The following PCDH11X variants were observed in gnomAD, a reference collection of about 807,000 sequenced individuals.
The protein encoded by PCDH11X is protocadherin-11 X-linked.
PCDH11X carries 18 observed loss-of-function variants against 53.3 expected under a neutral mutation model. That is an observed-to-expected ratio of 0.34 (90% confidence interval 0.23 to 0.50). The LOEUF is 0.50. Among genes scored for constraint, PCDH11X ranks in the 20% least tolerant of loss-of-function variants. The pLI, the probability that PCDH11X is intolerant of heterozygous loss-of-function variation, is 0.98. For synonymous variants in PCDH11X, 279 were observed against 393.3 expected (o/e 0.71, Z 3.44); for missense variants, 570 against 1,032.4 (o/e 0.55, Z 6.14).
intron 8 of PCDH11X, among the ~76,000 whole-genome samples, chrX:92,311,144 C>A (rs1294027367): frequency 9.1e-6 from 1 of 110,382 alleles, no homozygotes; most frequent in Non-Finnish European, 1.9e-5. Context: ...GAGGATGATA[C>A]CAATCGTTCG....
At chrX:92,078,457 C>T (rs183610821) in intron 6 of PCDH11X, among the ~76,000 whole-genome samples, 2 of 110,984 alleles carry the variant, frequency 1.8e-5, no homozygotes, top group Admixed American at 9.7e-5. Flanking sequence ...TCTTGAAACA[C>T]GCTTATAATA....
At chrX:92,540,321 C>T (rs1434902396) in intron 10 of PCDH11X, among the ~76,000 whole-genome samples, 1 of 109,282 alleles carries the variant, frequency 9.2e-6, no homozygotes, top group African/African-American at 3.3e-5. Flanking sequence ...GCAGAGGAAC[C>T]CCTCCCTGTG....
intron 6 of PCDH11X, among the ~76,000 whole-genome samples, chrX:91,924,096 C>A (rs1306022975): frequency 9.1e-6 from 1 of 109,788 alleles, no homozygotes; most frequent in Admixed American, 9.8e-5. Flanking sequence ...GCCAGAGATG[C>A]CCATGCCTTA....
At chrX:92,157,382 CTGAG>C (rs2065556694) in intron 6 of PCDH11X, among the ~76,000 whole-genome samples, 1 of 111,439 alleles carries the variant, frequency 9.0e-6, no homozygotes. Flanking sequence ...TTTATTCCTA[CTGAG>C]TATTAATGTA....
intron 1 of PCDH11X, among the ~76,000 whole-genome samples, chrX:91,780,848 G>A (rs1935110731): frequency 8.9e-6 from 1 of 112,946 alleles, no homozygotes; most frequent in Non-Finnish European, 1.9e-5. Flanking sequence ...CTGAGGGGTA[G>A]GAGGAGAGGT....
chrX:92,108,054 A>G (rs1458198214), intron 6 of PCDH11X, among the ~76,000 whole-genome samples: 1 of 112,475 alleles, frequency 8.9e-6, no homozygotes, highest in Non-Finnish European at 1.9e-5. Context: ...CTGAGTGAAG[A>G]TAATTTAATC....
At chrX:92,261,465 C>T (rs2067713324) in intron 7 of PCDH11X, among the ~76,000 whole-genome samples, 1 of 111,602 alleles carries the variant, frequency 9.0e-6, no homozygotes, top group Non-Finnish European at 1.9e-5. Flanking sequence ...TTGGTTAAGT[C>T]ATTAACTTTT....
At chrX:91,908,612 T>A (rs1316951143) in intron 6 of PCDH11X, among the ~76,000 whole-genome samples, 2 of 109,355 alleles carry the variant, frequency 1.8e-5, no homozygotes, top group Non-Finnish European at 3.8e-5. Flanking sequence ...GAGACCAGAC[T>A]GGCCAACATT....
intron 10 of PCDH11X, among the ~76,000 whole-genome samples, chrX:92,476,275 G>A (rs763167747): frequency 8.9e-6 from 1 of 111,984 alleles, no homozygotes; most frequent in South Asian, 3.8e-4. Context: ...TACCTTGTAA[G>A]TTACCTAGTC....
intron 6 of PCDH11X, among the ~76,000 whole-genome samples, chrX:92,008,973 C>T (rs1237984949): frequency 1.8e-5 from 2 of 111,615 alleles, no homozygotes; most frequent in Non-Finnish European, 3.8e-5. Flanking sequence ...ATAAAGAAAT[C>T]GGAACAAACA....
intron 10 of PCDH11X, among the ~76,000 whole-genome samples, chrX:92,485,829 G>A (rs2073629722): frequency 1.8e-5 from 2 of 111,400 alleles, no homozygotes; most frequent in African/African-American, 6.5e-5. Context: ...CAAAGATTCA[G>A]CCAAGAGAAT....
At chrX:92,207,885 A>C (rs1224321821) in intron 7 of PCDH11X, among the ~76,000 whole-genome samples, 1 of 111,671 alleles carries the variant, frequency 9.0e-6, no homozygotes, top group Non-Finnish European at 1.9e-5. Context: ...AAATGATGGA[A>C]GCTAAATGTG....
At chrX:92,469,858 T>A (rs1205546046) in intron 10 of PCDH11X, among the ~76,000 whole-genome samples, 1 of 110,728 alleles carries the variant, frequency 9.0e-6, no homozygotes, top group African/African-American at 3.3e-5. Context: ...GTGTAGTTTT[T>A]TTTTGCTTAG....
rs146823936 is a variant in PCDH11X at position 92,333,424 on chromosome X, C to G, written c.3145-54311C>G. On this transcript the variant is annotated intron_variant, in intron 8 of 10. Coordinates refer to ENST00000682573, the MANE Select transcript of PCDH11X (RefSeq NM_032968.5). ...ATTCCTACCTGTTCGAGGCAGCATT[C>G]TGTACTAAATAACTAATGTTTTATC... Among the ~76,000 whole-genome samples, 1,112 of 111,318 alleles carry G rather than the reference C, an allele frequency of 1.0e-2. 15 individuals carry two copies. The highest frequency in any genetic ancestry group is 0.031 in the African/African-American group (959 of 30,628).
At chrX:92,512,954 G>T (rs1344957971) in intron 10 of PCDH11X, among the ~76,000 whole-genome samples, 1 of 110,990 alleles carries the variant, frequency 9.0e-6, no homozygotes, top group Non-Finnish European at 1.9e-5. Context: ...AATGAGAGAT[G>T]ATGTATCCAA....
intron 4 of PCDH11X, among the ~76,000 whole-genome samples, chrX:91,825,259 T>C (rs13362971): frequency 0.1 from 10,868 of 108,085 alleles, 1,859 homozygotes; most frequent in African/African-American, 0.37. Flanking sequence ...CAATGGCGGG[T>C]GCCCCTCCCC....
At chrX:92,578,755 A>C (rs1231624708) in intron 10 of PCDH11X, among the ~76,000 whole-genome samples, 1 of 106,965 alleles carries the variant, frequency 9.3e-6, no homozygotes, top group Non-Finnish European at 1.9e-5. Flanking sequence ...ATTTAAGTTT[A>C]ATATGGTTAT....
At chrX:92,132,687 G>GTA (rs369282634) in intron 6 of PCDH11X, among the ~76,000 whole-genome samples, 2,381 of 67,670 alleles carry the variant, frequency 0.035, 44 homozygotes, top group Non-Finnish European at 0.051. Context: ...ATATATATAT[G>GTA]TATATATATA....
At chrX:92,267,283 T>C (rs1196990744) in intron 8 of PCDH11X, among the ~76,000 whole-genome samples, 1 of 112,156 alleles carries the variant, frequency 8.9e-6, no homozygotes, top group African/African-American at 3.2e-5. Context: ...TTAAAGAGAA[T>C]GTTCACTAAA....
Sources: gnomAD v4.1 joint callset for allele counts (sites outside exome capture counted in the v4.1 genomes callset) on GRCh38, gnomAD v4.1.1 for gene constraint, MANE v1.5 for transcripts, NCBI Gene and HGNC (gene_info 2026-07-23, HGNC 2026-07-21) for gene names.